Variants in APEX1 observed in about 807,000 individuals in gnomAD.
The protein encoded by APEX1 is apurinic/apyrimidinic endodeoxyribonuclease 1.
In APEX1, 32 loss-of-function variants were observed where a neutral mutation model predicts 33.2. That is an observed-to-expected ratio of 0.96 (90% CI 0.73 to 1.29). The LOEUF is 1.29. Ranked by LOEUF, APEX1 falls within the 50% of genes most tolerant of loss-of-function variation. The pLI is 0.00. For synonymous variants in APEX1, 175 were observed against 156.6 expected (o/e 1.12, Z -0.88); for missense variants, 442 against 395.6 (o/e 1.12, Z -0.99).
intron 2 of APEX1, 102 bp downstream of exon 2, chr14:20,455,805 T>A: frequency 6.2e-7 from 1 of 1,613,482 alleles, no homozygotes; most frequent in Non-Finnish European, 8.5e-7. Context: ...TTTGCAGGGG[T>A]TTGTGAAGAA....
In APEX1 at chr14:20,456,070, T is replaced by A; in HGVS notation, c.215T>A (p.Leu72His). ...LKICSWNVDG[L>H]RAWIKKKGLD... The stretch of plus-strand genomic sequence containing the variant: ...ATCTGCTCTTGGAATGTGGATGGGC[T>A]TCGAGCCTGGATTAAGAAGAAAGGA... Residue 72 changes from leucine (L) to histidine (H), a missense_variant, in exon 3 of 5, where the codon CTT becomes CAT. Leu to His is a moderately conservative substitution (Grantham distance 99). Coordinates refer to ENST00000216714, the MANE Select transcript of APEX1 (RefSeq NM_001641.4). 1 of 1,614,214 alleles carries A rather than the reference T, an allele frequency of 6.2e-7. No individual in the cohort carries two copies. Among genetic ancestry groups the A allele is most frequent in the Non-Finnish European group, 8.5e-7 (1 of 1,180,044 alleles).
intron 3 of APEX1, 92 bp downstream of exon 3, chr14:20,456,193 T>C: frequency 1.1e-5 from 16 of 1,431,658 alleles, no homozygotes; most frequent in Middle Eastern, 2.0e-4. Flanking sequence ...TTCAGGCTGT[T>C]TTATTTTTCT....
Position 20,457,371 on chromosome 14 carries a change from C to T in APEX1, c.820C>T (p.Arg274Ter), listed in dbSNP as rs754090827. Residue 274 changes from arginine to a stop codon, truncating the protein, a stop_gained, in exon 5 of 5, where the codon CGA becomes TGA. Transcript: ENST00000216714. LOFTEE classifies it high-confidence loss of function. ...CTTTTGGACTTATATGATGAATGCTCGATCCAAGAATGTTGGTTGGCGCCT... is the reference window on the plus strand; with the variant it reads ...CTTTTGGACTTATATGATGAATGCTTGATCCAAGAATGTTGGTTGGCGCCT... ...YTFWTYMMNA[R>*]SKNVGWRLDY... 3.1e-6 allele frequency: 5 copies of T among 1,614,070 alleles called. No individual in the cohort carries two copies. Among genetic ancestry groups the T allele is most frequent in the South Asian group, 2.2e-5 (2 of 91,094 alleles).
At chr14:20,455,748 G>A (rs1239778526) in intron 2 of APEX1, 45 bp downstream of exon 2, 2 of 1,614,106 alleles carry the variant, frequency 1.2e-6, no homozygotes, top group Non-Finnish European at 8.5e-7. Context: ...CTGCGGCGGG[G>A]GTGTTTGTCA....
In APEX1 at chr14:20,457,665, A is replaced by G. The variant is rs756927677; in HGVS notation, c.*157A>G. Reference sequence around the variant, plus strand: ...GTGATAGAGTTCTTTTAAGCCCAAGATTTTTTATTTGAGGGTTTTTTGTTT... The same window carrying G: ...GTGATAGAGTTCTTTTAAGCCCAAGGTTTTTTATTTGAGGGTTTTTTGTTT... On this transcript the variant is annotated 3_prime_UTR_variant, in exon 5 of 5. Coordinates refer to ENST00000216714, the MANE Select transcript of APEX1 (RefSeq NM_001641.4). 91 of 1,048,594 alleles carry G rather than the reference A, an allele frequency of 8.7e-5. No homozygotes were observed. The highest frequency in any genetic ancestry group is 1.1e-4 in the Non-Finnish European group (81 of 719,408). 65.0% of individuals were successfully genotyped at this position (1,048,594 alleles called of 1,614,324 possible). A position where few individuals can be genotyped will look rare whatever the true frequency, so the allele number is the denominator to read the frequency against.
At position 20,457,510 on chromosome 14, in the gene APEX1, A is replaced by T. The variant is rs17112002; in HGVS notation, c.*2A>T. On this transcript the variant is annotated 3_prime_UTR_variant, in exon 5 of 5. Coordinates refer to ENST00000216714, the MANE Select transcript of APEX1 (RefSeq NM_001641.4). ...ATCACCCTATACCTAGCACTGTGAC[A>T]CCACCCCTAAATCACTTTGAGCCTG... The T allele has an allele frequency of 4.7e-3, 7,631 of 1,613,578 alleles. 28 individuals carry two copies. The highest frequency in any genetic ancestry group is 5.6e-3 in the Non-Finnish European group (6,593 of 1,179,996).
At chr14:20,455,516 C>G (rs1341857470) in intron 1 of APEX1, 62 bp from the exon 2 acceptor site, 10 of 1,478,238 alleles carry the variant, frequency 6.8e-6, no homozygotes, top group Non-Finnish European at 9.3e-6. Context: ...GGTGCGGGGA[C>G]GCTCTTGGGA....
chr14:20,457,417 ACTCT>A lies in APEX1; in HGVS notation c.869_872del (p.Ser290CysfsTer26), dbSNP rs747329195. ...CGCCTTGATTACTTTTTGTTGTCCCACTCTCTGTTACCTGCATTGTGTGACAGCA... is the reference window on the plus strand; with the variant it reads ...CGCCTTGATTACTTTTTGTTGTCCCACTGTTACCTGCATTGTGTGACAGCA... On this transcript the variant is annotated frameshift_variant, in exon 5 of 5. Transcript: ENST00000216714. LOFTEE classifies it high-confidence loss of function. 1 of 1,613,806 alleles carries A rather than the reference ACTCT, an allele frequency of 6.2e-7. No homozygotes were observed. The highest frequency in any genetic ancestry group is 1.3e-5 in the African/African-American group (1 of 74,802).
In APEX1 at chr14:20,455,612, G is replaced by GC. The variant is rs748787250; in HGVS notation, c.-33dup. 6 of 1,612,490 alleles carry GC rather than the reference G, an allele frequency of 3.7e-6. No homozygotes were observed. In the East Asian group the frequency reaches 1.3e-4, roughly 36 times the overall value. ...TAAAAATATTGCTTCGGTGGGTGACGCGGTACAGCTGCCCAAGGGCGTTCG... is the reference window on the plus strand; with the variant it reads ...TAAAAATATTGCTTCGGTGGGTGACGCCGGTACAGCTGCCCAAGGGCGTTCG... On this transcript the variant is annotated 5_prime_UTR_variant, in exon 2 of 5. Coordinates refer to ENST00000216714, the MANE Select transcript of APEX1 (RefSeq NM_001641.4).
intron 3 of APEX1, among the ~76,000 whole-genome samples, 172 bp from the exon 4 acceptor site, chr14:20,456,489 CTCTATAT>C (rs1436148034): frequency 6.6e-6 from 1 of 152,180 alleles, no homozygotes. Flanking sequence ...TTTCTTACCT[CTCTATAT>C]TTGTTTTCAT....
Sources: allele counts gnomAD v4.1 joint callset (sites outside exome capture counted in the v4.1 genomes callset), GRCh38; gene constraint gnomAD v4.1.1; transcripts MANE v1.5; gene names NCBI Gene and HGNC (gene_info 2026-07-23, HGNC 2026-07-21).